Variants in CAMK2B observed in about 807,000 individuals in gnomAD.
CAMK2B encodes the protein calcium/calmodulin-dependent protein kinase type II subunit beta.
A neutral mutation model predicts 93.7 loss-of-function variants in CAMK2B; 27 were observed. The ratio of observed to expected loss-of-function variants is 0.29; its 90% CI spans 0.21 to 0.40. CAMK2B has a LOEUF of 0.40. Ranked by LOEUF, CAMK2B falls within the 10% of genes least tolerant of loss-of-function variation. The pLI is 1.00. For synonymous variants in CAMK2B, 374 were observed against 358.8 expected, an observed-to-expected ratio of 1.04 and a Z score of -0.48; for missense variants, 568 against 895.8, an observed-to-expected ratio of 0.63 and a Z score of 4.67.
At chr7:44,302,827 C>T (rs1324364801) in intron 1 of CAMK2B, among the ~76,000 whole-genome samples, 3 of 152,192 alleles carry the variant, frequency 2.0e-5, no homozygotes, top group Admixed American at 1.3e-4. Flanking sequence ...AAACTGGATA[C>T]TTTCCACTAA....
intron 1 of CAMK2B, among the ~76,000 whole-genome samples, chr7:44,292,143 C>T (rs1008666268): frequency 1.3e-5 from 2 of 152,148 alleles, no homozygotes; most frequent in East Asian, 1.9e-4. Context: ...TCCTGGATTC[C>T]GGTGCTGCCT....
intron 6 of CAMK2B, 52 bp downstream of exon 6, chr7:44,247,068 G>A (rs1449322694): frequency 1.4e-6 from 2 of 1,429,328 alleles, no homozygotes; most frequent in Non-Finnish European, 2.0e-6. Flanking sequence ...CTTGTACACA[G>A]CATGCAGGTA....
In CAMK2B at chr7:44,225,937, C is replaced by T. The variant is rs1350564421; in HGVS notation, c.1597+579G>A. 1 of 1,269,852 alleles carries T rather than the reference C, an allele frequency of 7.9e-7. No homozygotes were observed. Among genetic ancestry groups the T allele is most frequent in the East Asian group, 5.6e-5 (1 of 17,708 alleles). 78.7% of individuals were successfully genotyped at this position (1,269,852 alleles called of 1,614,324 possible). A position where few individuals can be genotyped will look rare whatever the true frequency, so the allele number is the denominator to read the frequency against. On this transcript the variant is annotated intron_variant, in intron 20 of 23. Transcript: ENST00000395749. This position sits in a 1 kb window ranked among gnomAD's most constrained non-coding sequence, Gnocchi z 5.0. ...AGTCGGCAGACAGACCGGGAGGTGG[C>T]CCAGCCTGGCTCCTCCCTGGCCGGG...
At position 44,325,399 on chromosome 7, in the gene CAMK2B, G is replaced by A; in HGVS notation, c.23C>T (p.Thr8Ile). MATTVTC[T>I]RFTDEYQLYE... ...GAGCTGGTACTCGTCGGTGAAGCGG[G>A]TGCAGGTCACCGTGGTGGCCATGGC... The change falls in exon 1 of 24, where the codon ACC (threonine) becomes ATC (isoleucine). Residue 8 changes from threonine to isoleucine, a missense_variant. This residue lies in a region of CAMK2B where 39 missense variants were observed against 43.4 expected (regional missense o/e 0.90). Transcript: ENST00000395749. 7.4e-6 allele frequency: 9 copies of A among 1,217,270 alleles called. No individual in the cohort carries two copies. The highest frequency in any genetic ancestry group is 1.6e-5 in the African/African-American group (1 of 61,836). 75.4% of individuals were successfully genotyped at this position (1,217,270 alleles called of 1,614,324 possible).
chr7:44,315,640 G>A (rs1330837691), intron 1 of CAMK2B, among the ~76,000 whole-genome samples: 3 of 152,176 alleles, frequency 2.0e-5, no homozygotes, highest in African/African-American at 7.2e-5. Flanking sequence ...TAGCAAAAAT[G>A]TAGGTCAATT....
intron 1 of CAMK2B, among the ~76,000 whole-genome samples, chr7:44,298,105 C>G (rs1788806051): frequency 6.6e-6 from 1 of 152,078 alleles, no homozygotes; most frequent in African/African-American, 2.4e-5. Context: ...GCCGGGGTGA[C>G]AGAGTGAGAC....
intron 1 of CAMK2B, among the ~76,000 whole-genome samples, chr7:44,291,237 C>T (rs971566590): frequency 5.9e-5 from 9 of 152,114 alleles, no homozygotes; most frequent in Admixed American, 6.5e-5. Flanking sequence ...GTTGGGGTTC[C>T]GCCAAGGGGG....
In CAMK2B at chr7:44,312,231, A is replaced by G. The variant is rs1194288395; in HGVS notation, c.65+13126T>C. ...GGAGGTGAGTGGAATTTAAAATGAC[A>G]ACTCTATTCCAGCATCCTCAGCCCA... On this transcript the variant is annotated intron_variant, in intron 1 of 23. Coordinates refer to ENST00000395749, the MANE Select transcript of CAMK2B (RefSeq NM_001220.5). This position sits in a 1 kb window ranked among gnomAD's most constrained non-coding sequence, Gnocchi z 4.1. Among the ~76,000 whole-genome samples the G allele has an allele frequency of 1.3e-5, 2 of 152,164 alleles. No individual in the cohort carries two copies. Among genetic ancestry groups the G allele is most frequent in the Non-Finnish European group, 2.9e-5 (2 of 68,030 alleles).
intron 5 of CAMK2B, among the ~76,000 whole-genome samples, chr7:44,252,639 C>A (rs927362323): frequency 2.6e-5 from 4 of 152,080 alleles, no homozygotes; most frequent in South Asian, 4.1e-4. Flanking sequence ...CACATGCCCC[C>A]ACCCTTGCCC....
At chr7:44,261,211 TC>T (rs1369310363) in intron 3 of CAMK2B, among the ~76,000 whole-genome samples, 1 of 152,158 alleles carries the variant, frequency 6.6e-6, no homozygotes, top group Non-Finnish European at 1.5e-5. Flanking sequence ...AGCTCACCCC[TC>T]CCCACTCCTT....
chr7:44,319,865 G>C (rs1795658524), intron 1 of CAMK2B, among the ~76,000 whole-genome samples: 1 of 152,096 alleles, frequency 6.6e-6, no homozygotes, highest in African/African-American at 2.4e-5. Flanking sequence ...GAAAGTGTTG[G>C]GCAAACAGAT....
chr7:44,269,623 C>G (rs1392089195), intron 2 of CAMK2B, among the ~76,000 whole-genome samples: 1 of 152,138 alleles, frequency 6.6e-6, no homozygotes, highest in African/African-American at 2.4e-5. Flanking sequence ...ACCGGGCCCC[C>G]CGCCAGCCAC....
In CAMK2B at chr7:44,292,510, C is replaced by T. The variant is rs1283579018; in HGVS notation, c.66-8285G>A. 2.6e-5 allele frequency among the ~76,000 whole-genome samples: 4 copies of T among 152,116 alleles called. No individual in the cohort carries two copies. In the East Asian group the frequency reaches 5.8e-4, roughly 22 times the overall value. ...CTCCTCAAACATAAGCTTCATAGGACGTTAACAGATGATAGGTGCAAAAGG... is the reference window on the plus strand; with the variant it reads ...CTCCTCAAACATAAGCTTCATAGGATGTTAACAGATGATAGGTGCAAAAGG... On this transcript the variant is annotated intron_variant, in intron 1 of 23. Transcript: ENST00000395749.
At chr7:44,309,582 A>T (rs372374237) in intron 1 of CAMK2B, among the ~76,000 whole-genome samples, 9 of 152,316 alleles carry the variant, frequency 5.9e-5, no homozygotes, top group African/African-American at 1.9e-4. Flanking sequence ...TCCCCATCCG[A>T]GGAGTCCTCT....
intron 15 of CAMK2B, among the ~76,000 whole-genome samples, chr7:44,233,269 T>A (rs2096596703): frequency 6.6e-6 from 1 of 151,914 alleles, no homozygotes; most frequent in Non-Finnish European, 1.5e-5. Flanking sequence ...GAAGATGTCA[T>A]GGGGGTGGCG....
At chr7:44,260,786 A>C (rs974582483) in intron 3 of CAMK2B, among the ~76,000 whole-genome samples, 1 of 151,992 alleles carries the variant, frequency 6.6e-6, no homozygotes, top group Non-Finnish European at 1.5e-5. Flanking sequence ...CCAGTGCAGA[A>C]AGACCTGCTC....
chr7:44,282,210 C>T (rs961234536), intron 2 of CAMK2B, among the ~76,000 whole-genome samples: 9 of 152,218 alleles, frequency 5.9e-5, no homozygotes, highest in African/African-American at 9.6e-5. Flanking sequence ...AACTGAGCAC[C>T]GCCCACTTAT....
chr7:44,243,344 G>C lies in CAMK2B; in HGVS notation c.518-11C>G. 6.2e-7 allele frequency: 1 copy of C among 1,613,644 alleles called. No homozygotes were observed. Among genetic ancestry groups the C allele is most frequent in the Non-Finnish European group, 8.5e-7 (1 of 1,179,670 alleles). ...GTGTGCCAGCGAAACCTAGAGAGAG[G>C]GGAAGAGGCCACAAGGGGCTGTCAG... On this transcript the variant is annotated splice_polypyrimidine_tract_variant and intron_variant, in intron 7 of 23. Coordinates refer to ENST00000395749, the MANE Select transcript of CAMK2B (RefSeq NM_001220.5).
intron 15 of CAMK2B, among the ~76,000 whole-genome samples, chr7:44,233,568 C>T (rs753466269): frequency 4.6e-5 from 7 of 152,266 alleles, no homozygotes; most frequent in East Asian, 1.9e-4. Flanking sequence ...TGGGGACCTA[C>T]GGGCCAGCAA....
Sources: gnomAD v4.1 joint callset for allele counts (sites outside exome capture counted in the v4.1 genomes callset) on GRCh38, gnomAD v4.1.1 for gene constraint, gnomAD v4.1.1 regional missense constraint, Gnocchi (gnomAD v3.1) non-coding constraint, MANE v1.5 for transcripts, NCBI Gene and HGNC (gene_info 2026-07-23, HGNC 2026-07-21) for gene names.